RBM4: variants seen among roughly 807,000 people sequenced by gnomAD.
The protein encoded by RBM4 is RNA-binding protein 4.
In RBM4, 7 loss-of-function variants were observed where a neutral mutation model predicts 29.5. The observed-to-expected ratio is 0.24, with a 90% CI of 0.14 to 0.45. The LOEUF is 0.45. Ranked by LOEUF, RBM4 falls within the 20% of genes least tolerant of loss-of-function variation. The pLI, the probability that RBM4 is intolerant of heterozygous loss-of-function variation, is 1.00. For missense variants in RBM4, 387 were observed against 502.3 expected, an observed-to-expected ratio of 0.77 and a Z score of 2.19; for synonymous variants, 220 against 205.4, an observed-to-expected ratio of 1.07 and a Z score of -0.61.
intron 2 of RBM4, among the ~76,000 whole-genome samples, chr11:66,661,403 A>G (rs1261784431): frequency 1.3e-5 from 2 of 152,160 alleles, no homozygotes; most frequent in African/African-American, 4.8e-5. Context: ...TTTCTGGTCC[A>G]TCTTGCAGGC....
At chr11:66,666,938 G>C (rs1939259126) in exon 3 of RBM4, 2 of 151,048 alleles carry the variant, frequency 1.3e-5, no homozygotes, top group South Asian at 4.2e-4. Context: ...AAGAGAGAGA[G>C]GAGCCACTCT....
intron 1 of RBM4, 63 bp from the exon 2 acceptor site, chr11:66,639,637 T>A: frequency 6.4e-7 from 1 of 1,553,938 alleles, no homozygotes; most frequent in Non-Finnish European, 8.7e-7. Flanking sequence ...TGAAAGTCGT[T>A]GTCTTTTGTG....
intron 2 of RBM4, among the ~76,000 whole-genome samples, chr11:66,657,479 C>T (rs1590872695): frequency 1.3e-5 from 2 of 151,398 alleles, no homozygotes; most frequent in Non-Finnish European, 1.5e-5. Flanking sequence ...GTCAGGAGCT[C>T]GAGAGCAGCC....
chr11:66,645,094 A>G (rs779353822), intron 3 of RBM4, among the ~76,000 whole-genome samples: 1 of 152,032 alleles, frequency 6.6e-6, no homozygotes, highest in Non-Finnish European at 1.5e-5. Flanking sequence ...TCCCTTCTTC[A>G]TCTTCTCACT....
chr11:66,640,198 G>T, intron 2 of RBM4, 75 bp downstream of exon 2: 1 of 1,587,750 alleles, frequency 6.3e-7, no homozygotes, highest in Non-Finnish European at 8.6e-7. Context: ...TAAAAGGAGA[G>T]GTTTGGTAAA....
At chr11:66,656,840 T>C (rs571393606) in intron 2 of RBM4, among the ~76,000 whole-genome samples, 2 of 152,226 alleles carry the variant, frequency 1.3e-5, no homozygotes, top group African/African-American at 4.8e-5. Context: ...TTTATATTTT[T>C]AGCAGAGACG....
At position 66,639,766 on chromosome 11, in the gene RBM4, C is replaced by G; in HGVS notation, c.55C>G (p.Arg19Gly). The change falls in exon 2 of 4, where the codon CGC (arginine) becomes GGC (glycine). Residue 19 changes from arginine (R) to glycine (G), a missense_variant. This residue lies in a region of RBM4 where 106 missense variants were observed against 213.6 expected (regional missense o/e 0.50). Coordinates refer to ENST00000310092, the MANE Select transcript of RBM4 (RefSeq NM_002896.4). ...LPREATEQEI[R>G]SLFEQYGKVL... The stretch of plus-strand genomic sequence containing the variant: ...CCGGGAGGCTACAGAGCAGGAGATT[C>G]GCTCACTCTTCGAGCAGTATGGGAA... 1 of 1,614,106 alleles carries G rather than the reference C, an allele frequency of 6.2e-7. No homozygotes were observed. The highest frequency in any genetic ancestry group is 8.5e-7 in the Non-Finnish European group (1 of 1,180,000).
exon 3 of RBM4, chr11:66,666,990 CCTGGG>C (rs1481096784): frequency 6.6e-6 from 1 of 151,832 alleles, no homozygotes; most frequent in African/African-American, 2.4e-5. Flanking sequence ...GTCTCTCACT[CCTGGG>C]CTCAAGGGAT....
intron 2 of RBM4, among the ~76,000 whole-genome samples, chr11:66,661,482 T>C (rs1939082626): frequency 2.6e-5 from 4 of 152,198 alleles, no homozygotes; most frequent in Admixed American, 6.5e-5. Context: ...GCCTAGTGTC[T>C]TTCTGTGCCA....
At chr11:66,642,235 A>G (rs146311180) in intron 2 of RBM4, among the ~76,000 whole-genome samples, 1 of 152,152 alleles carries the variant, frequency 6.6e-6, no homozygotes, top group Non-Finnish European at 1.5e-5. Flanking sequence ...TGTGTTTACC[A>G]CTTTCTCTAA....
At chr11:66,664,741 C>T (rs1590876688) in intron 2 of RBM4, among the ~76,000 whole-genome samples, 2 of 152,190 alleles carry the variant, frequency 1.3e-5, no homozygotes, top group Admixed American at 6.5e-5. Context: ...AGGCGTGAGC[C>T]ATCACGCCCA....
intron 2 of RBM4, among the ~76,000 whole-genome samples, chr11:66,642,538 T>C (rs934188899): frequency 3.3e-5 from 5 of 152,214 alleles, no homozygotes; most frequent in African/African-American, 1.2e-4. Context: ...AGGAAAAATA[T>C]TAGGTGTATG....
At position 66,643,373 on chromosome 11, in the gene RBM4, T is replaced by C; in HGVS notation, c.413-77T>C. 6 of 1,522,100 alleles carry C rather than the reference T, an allele frequency of 3.9e-6. No homozygotes were observed. The highest frequency in any genetic ancestry group is 5.3e-6 in the Non-Finnish European group (6 of 1,130,642). The allele number at this position is 1,522,100 out of a possible 1,614,324, so 94.3% of individuals were successfully genotyped here. ...AGAATTGTCTAGATAAAGCCATTGC[T>C]ATGACCAGTGTCTGGGGTAGGGGCT... On this transcript the variant is annotated intron_variant, in intron 2 of 3. Coordinates refer to ENST00000310092, the MANE Select transcript of RBM4 (RefSeq NM_002896.4). The surrounding 1 kb of genome is among the most constrained non-coding windows in gnomAD (Gnocchi z 6.1).
At chr11:66,639,166 C>T (rs998552082) in intron 1 of RBM4, 6 of 154,814 alleles carry the variant, frequency 3.9e-5, no homozygotes, top group Non-Finnish European at 7.2e-5. Flanking sequence ...GAGGCGTTCA[C>T]CACTCCAGTA....
downstream of RBM4, among the ~76,000 whole-genome samples, chr11:66,648,997 T>C (rs994719108): frequency 6.6e-6 from 1 of 150,790 alleles, no homozygotes; most frequent in African/African-American, 2.4e-5. Context: ...TTTTAAACCA[T>C]TTATTGCTTT....
chr11:66,654,036 CTTAT>C (rs1400619800), intron 2 of RBM4, among the ~76,000 whole-genome samples: 3 of 151,982 alleles, frequency 2.0e-5, no homozygotes, highest in Non-Finnish European at 4.4e-5. Flanking sequence ...AAAAATATTA[CTTAT>C]TTTAGAGACA....
At chr11:66,646,580 GTAGT>G, downstream of RBM4, 1 of 982,444 alleles carries the variant, frequency 1.0e-6, no homozygotes, top group Non-Finnish European at 1.2e-6. Flanking sequence ...GAACGTCACT[GTAGT>G]TATTTTGTTT....
At chr11:66,664,002 T>C (rs888226648) in intron 2 of RBM4, among the ~76,000 whole-genome samples, 2 of 152,102 alleles carry the variant, frequency 1.3e-5, no homozygotes, top group Non-Finnish European at 1.5e-5. Flanking sequence ...GCCACAGCAC[T>C]AACCTAAATC....
At chr11:66,645,365 G>A (rs1209106692) in intron 3 of RBM4, among the ~76,000 whole-genome samples, 2 of 152,240 alleles carry the variant, frequency 1.3e-5, no homozygotes, top group African/African-American at 4.8e-5. Context: ...AACTGTGTGA[G>A]TGATAGATAA....
Sources: allele counts gnomAD v4.1 joint callset (sites outside exome capture counted in the v4.1 genomes callset), GRCh38; gene constraint gnomAD v4.1.1; regional missense constraint gnomAD v4.1.1; non-coding constraint Gnocchi (gnomAD v3.1); transcripts MANE v1.5; gene names NCBI Gene and HGNC (gene_info 2026-07-23, HGNC 2026-07-21).